The following PIK3C3 variants were observed in gnomAD, a reference collection of about 807,000 sequenced individuals.
The protein encoded by PIK3C3 is phosphatidylinositol 3-kinase catalytic subunit type 3, also known as PI3-kinase type 3.
A neutral mutation model predicts 126.1 loss-of-function variants in PIK3C3; 95 were observed. That is an observed-to-expected ratio of 0.75 (90% CI 0.64 to 0.89). The LOEUF is 0.89. Ranked by LOEUF, PIK3C3 falls within the 40% of genes least tolerant of loss-of-function variation. PIK3C3 has a pLI of 0.00. For missense variants in PIK3C3, 829 were observed against 1,063.2 expected, an observed-to-expected ratio of 0.78 and a Z score of 3.06; for synonymous variants, 374 against 360.0, an observed-to-expected ratio of 1.04 and a Z score of -0.44.
At chr18:42,072,411 A>G (rs1470064681) in intron 24 of PIK3C3, among the ~76,000 whole-genome samples, 1 of 152,194 alleles carries the variant, frequency 6.6e-6, no homozygotes. Context: ...GGAAGGGTAG[A>G]GATTAAACAC....
At chr18:41,966,187 T>C (rs1021990507) in intron 3 of PIK3C3, among the ~76,000 whole-genome samples, 4 of 145,270 alleles carry the variant, frequency 2.8e-5, no homozygotes, top group African/African-American at 5.1e-5. Context: ...CTTTTTTTTT[T>C]TTTTTTTTTT....
chr18:42,053,879 G>T (rs1568002428), intron 21 of PIK3C3, among the ~76,000 whole-genome samples: 1 of 151,632 alleles, frequency 6.6e-6, no homozygotes, highest in African/African-American at 2.4e-5. Context: ...AGAGGGAACT[G>T]GTATCTGTAC....
intron 9 of PIK3C3, among the ~76,000 whole-genome samples, chr18:41,999,210 A>G (rs920169227): frequency 2.0e-5 from 3 of 152,168 alleles, no homozygotes; most frequent in African/African-American, 7.2e-5. Flanking sequence ...TCAAATTCAC[A>G]GTTTATAGCA....
intron 10 of PIK3C3, among the ~76,000 whole-genome samples, chr18:42,009,927 T>C (rs1982740885): frequency 6.6e-6 from 1 of 152,154 alleles, no homozygotes; most frequent in Non-Finnish European, 1.5e-5. Flanking sequence ...ATCAGGGTGA[T>C]GGTTGCAGAA....
chr18:41,967,962 G>A (rs72907542), intron 3 of PIK3C3, among the ~76,000 whole-genome samples: 12,446 of 152,180 alleles, frequency 0.082, 713 homozygotes, highest in Middle Eastern at 0.15. Flanking sequence ...TTCCCAAGTG[G>A]ACACGATGCT....
Position 42,066,744 on chromosome 18 carries a change from AG to A in PIK3C3, c.2524-643del, listed in dbSNP as rs1841521418. The stretch of plus-strand genomic sequence containing the variant: ...CATAAATATACATACTAGTTTTTCT[AG>A]TACTTAATGCTACTGAAAATCAAGT... On this transcript the variant is annotated intron_variant, in intron 23 of 24. Coordinates refer to ENST00000262039, the MANE Select transcript of PIK3C3 (RefSeq NM_002647.4). Among the ~76,000 whole-genome samples, 3 of 152,174 alleles carry A rather than the reference AG, an allele frequency of 2.0e-5. No individual in the cohort carries two copies. The South Asian group carries it at 6.2e-4, about 31-fold the overall frequency.
At chr18:42,004,332 T>G in intron 9 of PIK3C3, 24 bp from the exon 10 acceptor site, 1 of 1,584,416 alleles carries the variant, frequency 6.3e-7, no homozygotes. Flanking sequence ...CTGTTTCTAA[T>G]TTTTAAATAT....
In PIK3C3 at chr18:42,049,596, A is replaced by G; in HGVS notation, c.2254A>G (p.Thr752Ala). The change falls in exon 21 of 25, where the codon ACA becomes GCA. Residue 752 changes from threonine (T) to alanine (A), a missense_variant. Around this residue, in one of 4 missense-constraint regions of PIK3C3, gnomAD observed 196 missense variants for 312.8 expected, o/e 0.63. Transcript: ENST00000262039. The part of the protein sequence containing the change: ...GDRHLDNLLL[T>A]KTGKLFHIDF... ...CAGGCACCTGGATAACCTTTTGCTA[A>G]CAAAAACAGGTAACAATTAATGACT... 1 of 1,610,734 alleles carries G rather than the reference A, an allele frequency of 6.2e-7. No individual in the cohort carries two copies. The highest frequency in any genetic ancestry group is 1.1e-5 in the South Asian group (1 of 90,982).
chr18:42,055,780 G>A (rs984361394), intron 21 of PIK3C3, among the ~76,000 whole-genome samples: 4 of 151,968 alleles, frequency 2.6e-5, no homozygotes, highest in South Asian at 2.1e-4. Context: ...TGTTGGACAC[G>A]TTTAATTATT....
chr18:42,027,523 G>A lies in PIK3C3; in HGVS notation c.1565G>A (p.Arg522Lys). 1 of 1,610,842 alleles carries A rather than the reference G, an allele frequency of 6.2e-7. No individual in the cohort carries two copies. Among genetic ancestry groups the A allele is most frequent in the Non-Finnish European group, 8.5e-7 (1 of 1,177,454 alleles). Residue 522 changes from arginine (R) to lysine (K), a missense_variant, in exon 14 of 25, where the codon AGA (arginine) becomes AAA (lysine). Physicochemically the swap from Arg to Lys is conservative, Grantham distance 26. This residue lies in a region of PIK3C3 where 256 missense variants were observed against 291.0 expected (regional missense o/e 0.88). Transcript: ENST00000262039. ...KTHEMYLNVMRRFSQALLKGD... is the reference protein window; with the variant it reads ...KTHEMYLNVMKRFSQALLKGD... ...CATGAGATGTACTTGAACGTAATGAGAAGATTCAGCCAAGCATTGTTGAAG... is the reference window on the plus strand; with the variant it reads ...CATGAGATGTACTTGAACGTAATGAAAAGATTCAGCCAAGCATTGTTGAAG...
At chr18:42,015,210 A>C (rs1382553091) in intron 11 of PIK3C3, among the ~76,000 whole-genome samples, 1 of 149,624 alleles carries the variant, frequency 6.7e-6, no homozygotes, top group Non-Finnish European at 1.5e-5. Context: ...GGGCTTAAAC[A>C]AACAAACAAA....
intron 24 of PIK3C3, among the ~76,000 whole-genome samples, chr18:42,078,613 C>A (rs912118868): frequency 6.7e-6 from 1 of 149,676 alleles, no homozygotes; most frequent in Non-Finnish European, 1.5e-5. Context: ...TGAATCCAGA[C>A]ATTGACTTCC....
At chr18:42,049,909 G>A in intron 21 of PIK3C3, 1 of 187,962 alleles carries the variant, frequency 5.3e-6, no homozygotes, top group Non-Finnish European at 1.1e-5. Flanking sequence ...GGAGGCGGAG[G>A]TTGCAGTGAG....
intron 15 of PIK3C3, among the ~76,000 whole-genome samples, chr18:42,029,668 G>A (rs762389657): frequency 6.8e-6 from 1 of 148,102 alleles, no homozygotes; most frequent in South Asian, 2.2e-4. Context: ...CCAGCCTCCC[G>A]AGTAGCTAGG....
rs544615973 is a variant in PIK3C3 at position 41,992,580 on chromosome 18, T to A, written c.715-690T>A. Among the ~76,000 whole-genome samples, 53 of 152,280 alleles carry A rather than the reference T, an allele frequency of 3.5e-4. 1 individual carries two copies. The highest frequency in any genetic ancestry group is 1.3e-3 in the African/African-American group (52 of 41,584). ...TTTTCCAGTATATTTGGCAGTGACA[T>A]TTTTATGTTGAATTACCTTTCTCAC... On this transcript the variant is annotated intron_variant, in intron 6 of 24. Transcript: ENST00000262039.
intron 3 of PIK3C3, among the ~76,000 whole-genome samples, chr18:41,970,069 C>G (rs1187534320): frequency 6.6e-6 from 1 of 152,194 alleles, no homozygotes; most frequent in Admixed American, 6.5e-5. Context: ...TCTCATCCTT[C>G]TCTCCTTCCA....
At chr18:41,963,482 TG>T (rs372996722) in intron 3 of PIK3C3, among the ~76,000 whole-genome samples, 135 of 152,282 alleles carry the variant, frequency 8.9e-4, no homozygotes, top group African/African-American at 3.2e-3. Context: ...CGTGTCCTTT[TG>T]GCAGTACACT....
Position 42,064,799 on chromosome 18 carries a change from T to C in PIK3C3, c.2492T>C (p.Ile831Thr). The change falls in exon 23 of 25, where the codon ATT becomes ACT. Residue 831 changes from isoleucine (I) to threonine (T), a missense_variant. Transcript: ENST00000262039. ...ATGGTTGATGCAAACATTCCAGATA[T>C]TGCACTTGAACCAGATAAAACTGTG... ...SLMVDANIPDIALEPDKTVKK... is the reference protein window; with the variant it reads ...SLMVDANIPDTALEPDKTVKK... 6.2e-7 allele frequency: 1 copy of C among 1,601,418 alleles called. No homozygotes were observed.
chr18:41,966,422 G>A (rs971872937), intron 3 of PIK3C3, among the ~76,000 whole-genome samples: 2 of 151,820 alleles, frequency 1.3e-5, no homozygotes, highest in African/African-American at 4.8e-5. Context: ...CGCCTGCCTC[G>A]CCCTCCCAAA....
Sources: gnomAD v4.1 joint callset for allele counts (sites outside exome capture counted in the v4.1 genomes callset) on GRCh38, gnomAD v4.1.1 for gene constraint, gnomAD v4.1.1 regional missense constraint, MANE v1.5 for transcripts, NCBI Gene and HGNC (gene_info 2026-07-23, HGNC 2026-07-21) for gene names.